The following SRGAP3 variants were observed in gnomAD, a reference collection of about 807,000 sequenced individuals.
SRGAP3 encodes the protein SLIT-ROBO Rho GTPase-activating protein 3.
In SRGAP3, 39 loss-of-function variants were observed where a neutral mutation model predicts 121.1. The observed-to-expected ratio is 0.32, with a 90% CI of 0.25 to 0.42. The LOEUF (loss-of-function observed/expected upper bound fraction) is 0.42, where lower values mean the gene tolerates loss of function less well. Among genes scored for constraint, SRGAP3 ranks in the 10% least tolerant of loss-of-function variants. SRGAP3 has a pLI of 1.00. For missense variants in SRGAP3, 1,213 were observed against 1,470.6 expected, an observed-to-expected ratio of 0.82 and a Z score of 2.86; for synonymous variants, 601 against 570.0, an observed-to-expected ratio of 1.05 and a Z score of -0.77.
At chr3:9,274,205 G>T (rs992575151) in intron 3 of SRGAP3, among the ~76,000 whole-genome samples, 1 of 152,204 alleles carries the variant, frequency 6.6e-6, no homozygotes, top group African/African-American at 2.4e-5. Context: ...GTGACTTTGT[G>T]TTCATTCCAA....
chr3:9,284,100 C>G (rs1409014682), intron 3 of SRGAP3, among the ~76,000 whole-genome samples: 1 of 151,750 alleles, frequency 6.6e-6, no homozygotes, highest in African/African-American at 2.4e-5. Flanking sequence ...TTGTATGTCA[C>G]TCATTCTCCC....
intron 3 of SRGAP3, among the ~76,000 whole-genome samples, chr3:9,257,698 CTTTTTTTTTTTT>C (rs386395913): frequency 1.4e-5 from 1 of 73,200 alleles, no homozygotes; most frequent in Non-Finnish European, 2.5e-5. Flanking sequence ...AAAATAGCTC[CTTTTTTTTTTTT>C]TTTTTTTTTT....
intron 3 of SRGAP3, among the ~76,000 whole-genome samples, chr3:9,084,817 C>T (rs778810272): frequency 6.6e-6 from 1 of 152,164 alleles, no homozygotes; most frequent in Non-Finnish European, 1.5e-5. Context: ...TGGACTTATC[C>T]TATTCCTCCA....
intron 3 of SRGAP3, among the ~76,000 whole-genome samples, chr3:9,285,330 C>T (rs140943551): frequency 1.5e-3 from 227 of 152,256 alleles, no homozygotes; most frequent in Non-Finnish European, 2.5e-3. Context: ...GAACTTGCTG[C>T]TCTAAAATAT....
At chr3:9,324,818 G>A (rs998794008) in intron 3 of SRGAP3, among the ~76,000 whole-genome samples, 12 of 151,700 alleles carry the variant, frequency 7.9e-5, no homozygotes, top group East Asian at 3.9e-4. Flanking sequence ...TTAACTGGGC[G>A]AGGTGGCAGG....
chr3:9,156,668 C>T (rs1320070875), intron 1 of SRGAP3, among the ~76,000 whole-genome samples: 1 of 152,166 alleles, frequency 6.6e-6, no homozygotes, highest in Non-Finnish European at 1.5e-5. Context: ...ATTTGCTTTC[C>T]CTTAATGTAT....
At chr3:9,323,974 CA>C (rs1291857598) in intron 3 of SRGAP3, among the ~76,000 whole-genome samples, 4 of 151,790 alleles carry the variant, frequency 2.6e-5, no homozygotes, top group Non-Finnish European at 5.9e-5. Context: ...ACAAAGACTC[CA>C]GGGGTGCCTC....
At chr3:9,056,672 G>C (rs1380787553) in intron 7 of SRGAP3, among the ~76,000 whole-genome samples, 1 of 152,202 alleles carries the variant, frequency 6.6e-6, no homozygotes, top group Non-Finnish European at 1.5e-5. Context: ...GCAAGAAATT[G>C]TGGCAAGAAA....
chr3:9,058,339 C>T lies in SRGAP3; in HGVS notation c.935G>A (p.Arg312Gln), dbSNP rs779206383. 2.0e-5 allele frequency: 33 copies of T among 1,614,226 alleles called. No homozygotes were observed. Among genetic ancestry groups the T allele is most frequent in the East Asian group, 4.5e-5 (2 of 44,886 alleles). Residue 312 changes from arginine (R) to glutamine (Q), a missense_variant, in exon 7 of 22, where the codon CGA becomes CAA. By Grantham distance (43) the Arg-to-Gln change is conservative. This residue lies in a region of SRGAP3 where 793 missense variants were observed against 1,032.9 expected (regional missense o/e 0.77). Transcript: ENST00000383836. ...GTCCATGACTGTGTGCTTGTCACTT[C>T]GGGAATCCAGGTTGTCCACTGCATT... is the stretch of plus-strand genomic sequence containing the variant. Reference protein sequence around the residue: ...IENAVDNLDSRSDKHTVMDMC... With the variant: ...IENAVDNLDSQSDKHTVMDMC...
At chr3:9,126,503 G>A (rs552577238) in intron 1 of SRGAP3, among the ~76,000 whole-genome samples, 6 of 152,182 alleles carry the variant, frequency 3.9e-5, no homozygotes, top group South Asian at 2.1e-4. Flanking sequence ...AGTGGCAGGC[G>A]CCTGGAGTCC....
intron 1 of SRGAP3, among the ~76,000 whole-genome samples, chr3:9,215,303 A>G (rs1431129934): frequency 1.3e-5 from 2 of 152,136 alleles, no homozygotes; most frequent in Non-Finnish European, 2.9e-5. Context: ...CAAATCCTGG[A>G]GCCACAGAGT....
intron 12 of SRGAP3, among the ~76,000 whole-genome samples, chr3:9,030,169 GAATGAATGA>G (rs1559954847): frequency 1.6e-4 from 25 of 151,782 alleles, no homozygotes; most frequent in African/African-American, 5.8e-4. Context: ...ATGAATGAAT[GAATGAATGA>G]ATGAATGAAT....
At chr3:9,284,277 G>T (rs1440037712) in intron 3 of SRGAP3, among the ~76,000 whole-genome samples, 11 of 152,190 alleles carry the variant, frequency 7.2e-5, no homozygotes, top group Admixed American at 7.2e-4. Context: ...AAAAAGATGT[G>T]TAAAAGATGT....
chr3:9,051,888 A>G (rs1353422472), intron 9 of SRGAP3, among the ~76,000 whole-genome samples: 1 of 151,726 alleles, frequency 6.6e-6, no homozygotes, highest in Non-Finnish European at 1.5e-5. Context: ...AATTTTTTGT[A>G]TTTTAGTAGA....
intron 3 of SRGAP3, among the ~76,000 whole-genome samples, chr3:9,297,537 A>G (rs1954972031): frequency 6.6e-6 from 1 of 152,066 alleles, no homozygotes; most frequent in South Asian, 2.1e-4. Flanking sequence ...GTCTTTTAAC[A>G]AGATAATTAA....
intron 1 of SRGAP3, among the ~76,000 whole-genome samples, chr3:9,170,311 G>T (rs1950930201): frequency 6.6e-6 from 1 of 152,166 alleles, no homozygotes; most frequent in Non-Finnish European, 1.5e-5. Context: ...TTGAGACTTG[G>T]TAACATTGTC....
intron 1 of SRGAP3, among the ~76,000 whole-genome samples, chr3:9,139,980 C>T (rs901808403): frequency 6.6e-6 from 1 of 152,050 alleles, no homozygotes; most frequent in Admixed American, 6.6e-5. Context: ...TGTTAGAGGG[C>T]AGCAAGAGTG....
chr3:9,136,228 G>A (rs1401145029), intron 1 of SRGAP3, among the ~76,000 whole-genome samples: 3 of 152,228 alleles, frequency 2.0e-5, no homozygotes, highest in Non-Finnish European at 4.4e-5. Flanking sequence ...CCGGACACGG[G>A]CTCCCCATTG....
At chr3:9,082,746 T>C (rs1411058734) in intron 3 of SRGAP3, among the ~76,000 whole-genome samples, 3 of 152,188 alleles carry the variant, frequency 2.0e-5, no homozygotes, top group African/African-American at 4.8e-5. Context: ...CCTCTCACCC[T>C]TGCAGAGGTG....
Sources: allele counts gnomAD v4.1 joint callset (sites outside exome capture counted in the v4.1 genomes callset), GRCh38; gene constraint gnomAD v4.1.1; regional missense constraint gnomAD v4.1.1; transcripts MANE v1.5; gene names NCBI Gene and HGNC (gene_info 2026-07-23, HGNC 2026-07-21).